The following TRA2B variants were observed in gnomAD, a reference collection of about 807,000 sequenced individuals.
TRA2B encodes transformer 2 beta homolog.
Under a neutral mutation model 41.7 loss-of-function variants are expected in TRA2B, and 14 were observed. The observed-to-expected ratio is 0.34, with a 90% CI of 0.22 to 0.53. The LOEUF is 0.53. TRA2B is among the 20% of genes least tolerant of loss of function. The pLI is 0.95. For missense variants in TRA2B, 167 were observed against 396.8 expected (o/e 0.42, Z 4.92); for synonymous variants, 130 against 128.8 (o/e 1.01, Z -0.06).
intron 1 of TRA2B, chr3:185,935,415 T>C: frequency 1.0e-6 from 1 of 985,442 alleles, no homozygotes; most frequent in Non-Finnish European, 1.2e-6. Context: ...TGTCATTATA[T>C]TCACCCAAAT....
intron 1 of TRA2B, chr3:185,935,900 A>G: frequency 4.1e-6 from 4 of 984,598 alleles, no homozygotes; most frequent in Non-Finnish European, 4.8e-6. Flanking sequence ...TTATGTAAGA[A>G]AAAAAACTCA....
At chr3:185,920,711 A>G (rs1237552336) in intron 6 of TRA2B, among the ~76,000 whole-genome samples, 1 of 151,958 alleles carries the variant, frequency 6.6e-6, no homozygotes, top group African/African-American at 2.4e-5. Flanking sequence ...AACCGGCTAA[A>G]TTTTTATTTC....
Position 185,915,125 on chromosome 3 carries a change from C to G in TRA2B, c.*2590G>C, listed in dbSNP as rs532181802. Among the ~76,000 whole-genome samples the G allele has an allele frequency of 6.6e-6, 1 of 152,262 alleles. No homozygotes were observed. The highest frequency in any genetic ancestry group is 1.5e-5 in the Non-Finnish European group (1 of 68,020). ...CTGCTGTTGCTGATCTGACAGGCGGCGGAGCTCAGGCAATCCATGGCCAGG... is the reference window on the plus strand; with the variant it reads ...CTGCTGTTGCTGATCTGACAGGCGGGGGAGCTCAGGCAATCCATGGCCAGG... On this transcript the variant is annotated 3_prime_UTR_variant, in exon 9 of 9. Coordinates refer to ENST00000453386, the MANE Select transcript of TRA2B (RefSeq NM_004593.3).
At chr3:185,921,964 GA>G in intron 5 of TRA2B, 46 bp downstream of exon 5, 1 of 1,427,702 alleles carries the variant, frequency 7.0e-7, no homozygotes, top group South Asian at 1.2e-5. Context: ...GTGTTTCTTT[GA>G]CAAGTGAAAA....
intron 2 of TRA2B, among the ~76,000 whole-genome samples, chr3:185,926,259 T>A (rs948245864): frequency 6.6e-6 from 1 of 151,994 alleles, no homozygotes; most frequent in Non-Finnish European, 1.5e-5. Flanking sequence ...AAAGCCAATG[T>A]TCTGCAGTAT....
chr3:185,918,726 G>C (rs904958415), intron 7 of TRA2B, among the ~76,000 whole-genome samples: 1 of 152,072 alleles, frequency 6.6e-6, no homozygotes, highest in African/African-American at 2.4e-5. Flanking sequence ...GAAAATTCCT[G>C]GCTGGGTGCG....
At chr3:185,925,344 A>G in intron 3 of TRA2B, 120 bp downstream of exon 3, 1 of 1,178,804 alleles carries the variant, frequency 8.5e-7, no homozygotes, top group Non-Finnish European at 1.2e-6. Context: ...ACACTAAAAA[A>G]GCCTCTGAAG....
chr3:185,925,680 T>G, intron 2 of TRA2B, 54 bp from the exon 3 acceptor site: 1 of 1,546,070 alleles, frequency 6.5e-7, no homozygotes, highest in Non-Finnish European at 8.7e-7. Context: ...TTGTCTTCTT[T>G]ATTACTCTGT....
intron 1 of TRA2B, chr3:185,931,558 T>A: frequency 8.3e-7 from 1 of 1,198,048 alleles, no homozygotes; most frequent in Non-Finnish European, 1.0e-6. Flanking sequence ...CAGGGACACA[T>A]AAACAGACTA....
chr3:185,926,861 C>T, intron 1 of TRA2B, 127 bp from the exon 2 acceptor site: 1 of 1,172,562 alleles, frequency 8.5e-7, no homozygotes. Flanking sequence ...TAGGTAAGGG[C>T]AGGAACTGAA....
At chr3:185,931,951 TG>T in intron 1 of TRA2B, 1 of 876,676 alleles carries the variant, frequency 1.1e-6, no homozygotes, top group Non-Finnish European at 1.5e-6. Flanking sequence ...TTTGTTGATT[TG>T]GATTAAAAAA....
intron 1 of TRA2B, chr3:185,936,739 T>C: frequency 1.0e-6 from 1 of 985,304 alleles, no homozygotes; most frequent in Non-Finnish European, 1.2e-6. Flanking sequence ...TCTATGGTGC[T>C]TTTCTATCAC....
chr3:185,919,546 A>G (rs1434619152), intron 6 of TRA2B, 50 bp from the exon 7 acceptor site: 8 of 1,481,494 alleles, frequency 5.4e-6, no homozygotes, highest in Non-Finnish European at 7.4e-6. Context: ...GTAAGTTTTA[A>G]AAAATTATGT....
intron 4 of TRA2B, chr3:185,923,016 A>T (rs913160906): frequency 1.3e-5 from 2 of 152,192 alleles, no homozygotes; most frequent in Admixed American, 6.6e-5. Context: ...ATGGTGGCTC[A>T]CACCTGTAAT....
At chr3:185,935,548 T>G in intron 1 of TRA2B, 1 of 985,430 alleles carries the variant, frequency 1.0e-6, no homozygotes, top group Non-Finnish European at 1.2e-6. Flanking sequence ...GGTGGGGTTG[T>G]CTGGATTAGA....
chr3:185,930,384 C>A (rs1257489192), intron 1 of TRA2B, among the ~76,000 whole-genome samples: 1 of 151,554 alleles, frequency 6.6e-6, no homozygotes, highest in Non-Finnish European at 1.5e-5. Flanking sequence ...GAATGCAAAA[C>A]TTCTTAAGAG....
chr3:185,931,267 A>G (rs1274834978), intron 1 of TRA2B, among the ~76,000 whole-genome samples: 2 of 152,156 alleles, frequency 1.3e-5, no homozygotes, highest in Non-Finnish European at 2.9e-5. Flanking sequence ...ACCAGTTCCA[A>G]CCCTGGAGGT....
At chr3:185,935,096 T>C (rs1578488645) in intron 1 of TRA2B, 1 of 985,446 alleles carries the variant, frequency 1.0e-6, no homozygotes, top group Non-Finnish European at 1.2e-6. Context: ...CTCTAAAGAT[T>C]ACCCTGCACT....
In TRA2B at chr3:185,917,083, A is replaced by G. The variant is rs1251956026; in HGVS notation, c.*632T>C. The G allele has an allele frequency of 6.6e-6, 1 of 152,340 alleles. No homozygotes were observed. Among genetic ancestry groups the G allele is most frequent in the East Asian group, 1.9e-4 (1 of 5,204 alleles). The allele number at this position is 152,340 out of a possible 1,614,324, so 9.4% of individuals were successfully genotyped here. ...TAACTCTTCGTATTTCCTGCTATACATATTACAGATTACATAAAAGCCGAC... is the reference window on the plus strand; with the variant it reads ...TAACTCTTCGTATTTCCTGCTATACGTATTACAGATTACATAAAAGCCGAC... On this transcript the variant is annotated 3_prime_UTR_variant, in exon 9 of 9. Coordinates refer to ENST00000453386, the MANE Select transcript of TRA2B (RefSeq NM_004593.3).
Sources: gnomAD v4.1 joint callset for allele counts (sites outside exome capture counted in the v4.1 genomes callset) on GRCh38, gnomAD v4.1.1 for gene constraint, MANE v1.5 for transcripts, NCBI Gene and HGNC (gene_info 2026-07-23, HGNC 2026-07-21) for gene names.